SH3KBP1: variants seen among roughly 807,000 people sequenced by gnomAD.
SH3KBP1 encodes the protein SH3 domain-containing kinase-binding protein 1.
SH3KBP1 carries 8 observed loss-of-function variants against 50.1 expected under a neutral mutation model. That is an observed-to-expected ratio of 0.16 (90% CI 0.09 to 0.29). The LOEUF is 0.29. SH3KBP1 is among the 10% of genes least tolerant of loss of function. The probability of loss-of-function intolerance (pLI) is 1.00; values close to 1 mark genes in which losing one functional copy is unlikely to be tolerated. For missense variants in SH3KBP1, 377 were observed against 535.2 expected (o/e 0.70, Z 2.92); for synonymous variants, 227 against 218.6 (o/e 1.04, Z -0.34).
chrX:19,755,007 C>T (rs987130956), intron 2 of SH3KBP1, among the ~76,000 whole-genome samples: 1 of 112,522 alleles, frequency 8.9e-6, no homozygotes, highest in Non-Finnish European at 1.9e-5. Flanking sequence ...AATGTTTCTA[C>T]AATCTCAGAA....
In SH3KBP1 at chrX:19,534,176, T is replaced by C. The variant is rs1446768870; in HGVS notation, c.*2241A>G. The stretch of plus-strand genomic sequence containing the variant: ...CAACATTCTCGATGGGTCCATTTTG[T>C]AAAGAGTAAAGATGGTGGCAGTTTG... On this transcript the variant is annotated 3_prime_UTR_variant, in exon 18 of 18. Coordinates refer to ENST00000397821, the MANE Select transcript of SH3KBP1 (RefSeq NM_031892.3). 2.7e-5 allele frequency: 3 copies of C among 110,293 alleles called. No homozygotes were observed. The highest frequency in any genetic ancestry group is 9.9e-5 in the African/African-American group (3 of 30,286). 9.1% of individuals were successfully genotyped at this position (110,293 alleles called of 1,213,427 possible). A position where few individuals can be genotyped will look rare whatever the true frequency, so the allele number is the denominator to read the frequency against.
At chrX:19,591,934 G>A in intron 11 of SH3KBP1, 133 bp downstream of exon 11, 1 of 533,874 alleles carries the variant, frequency 1.9e-6, no homozygotes, top group Non-Finnish European at 3.3e-6. Flanking sequence ...ATTTGTAAAA[G>A]CAATCAAAAC....
intron 13 of SH3KBP1, among the ~76,000 whole-genome samples, chrX:19,562,585 A>G (rs976882122): frequency 8.9e-6 from 1 of 111,788 alleles, no homozygotes; most frequent in East Asian, 2.8e-4. Flanking sequence ...ATACGGCACT[A>G]GAATACGGTC....
intron 2 of SH3KBP1, among the ~76,000 whole-genome samples, chrX:19,793,270 C>T (rs1393788320): frequency 3.8e-5 from 4 of 105,363 alleles, no homozygotes; most frequent in Admixed American, 3.1e-4. Context: ...TGCACTCTGG[C>T]CTAGGTGACA....
At chrX:19,577,995 C>T (rs1215707803) in intron 12 of SH3KBP1, among the ~76,000 whole-genome samples, 3 of 111,370 alleles carry the variant, frequency 2.7e-5, no homozygotes, top group Non-Finnish European at 5.7e-5. Context: ...GAAATAGAAA[C>T]GCCCCATTGC....
At chrX:19,631,404 C>T (rs1377433081) in intron 8 of SH3KBP1, among the ~76,000 whole-genome samples, 4 of 111,991 alleles carry the variant, frequency 3.6e-5, no homozygotes, top group Non-Finnish European at 5.6e-5. Context: ...TTAGCCCAAA[C>T]GAGACAGGAA....
At chrX:19,620,887 T>C (rs967020269) in intron 8 of SH3KBP1, among the ~76,000 whole-genome samples, 7 of 111,280 alleles carry the variant, frequency 6.3e-5, no homozygotes, top group African/African-American at 2.3e-4. Flanking sequence ...TTATGGATTG[T>C]GTTTTTGGTA....
chrX:19,645,776 A>G (rs1037786491), intron 6 of SH3KBP1, among the ~76,000 whole-genome samples: 1 of 112,138 alleles, frequency 8.9e-6, no homozygotes, highest in Non-Finnish European at 1.9e-5. Context: ...AAACAGGCAT[A>G]GTTCCCCTCA....
At chrX:19,574,426 A>G (rs2066134438) in intron 12 of SH3KBP1, among the ~76,000 whole-genome samples, 1 of 112,776 alleles carries the variant, frequency 8.9e-6, no homozygotes, top group African/African-American at 3.2e-5. Context: ...CCTGTGGATA[A>G]GTTATATTCT....
chrX:19,564,595 C>G (rs1437224603), intron 13 of SH3KBP1, among the ~76,000 whole-genome samples: 5 of 109,240 alleles, frequency 4.6e-5, no homozygotes, highest in African/African-American at 1.3e-4. Flanking sequence ...TTCTCTCTCA[C>G]AAAGGTCACA....
At chrX:19,539,508 C>T (rs1364534995) in intron 16 of SH3KBP1, among the ~76,000 whole-genome samples, 1 of 112,289 alleles carries the variant, frequency 8.9e-6, no homozygotes, top group East Asian at 2.8e-4. Flanking sequence ...AATGCTCCAA[C>T]CCCAGGAGAC....
intron 7 of SH3KBP1, among the ~76,000 whole-genome samples, chrX:19,634,276 G>A (rs1444880198): frequency 1.8e-5 from 2 of 110,253 alleles, no homozygotes; most frequent in Admixed American, 9.7e-5. Context: ...TTTGTTGGAC[G>A]TCAGTACAGT....
chrX:19,766,483 C>CT lies in SH3KBP1; in HGVS notation c.163-20043dup, dbSNP rs61439964. Among the ~76,000 whole-genome samples, 37 of 22,589 alleles carry CT rather than the reference C, an allele frequency of 1.6e-3. 16 individuals are homozygous for CT. Among genetic ancestry groups the CT allele is most frequent in the Non-Finnish European group, 1.8e-3 (22 of 12,540 alleles). The allele number at this position is 22,589 out of a possible 115,157, so 19.6% of individuals were successfully genotyped here. On this transcript the variant is annotated intron_variant, in intron 2 of 17. Transcript: ENST00000397821. ...TGCACTTTGAGTCTGTTGATTGCAT[C>CT]TTTTTTTTTTTTTTTTTTTTTTTTT...
intron 2 of SH3KBP1, among the ~76,000 whole-genome samples, chrX:19,792,505 C>G (rs2066562428): frequency 9.0e-6 from 1 of 111,072 alleles, no homozygotes; most frequent in Non-Finnish European, 1.9e-5. Context: ...AGACACAATG[C>G]TCTTCCACGG....
intron 3 of SH3KBP1, among the ~76,000 whole-genome samples, chrX:19,714,819 T>C (rs2063864520): frequency 1.8e-5 from 2 of 112,447 alleles, no homozygotes; most frequent in Non-Finnish European, 3.8e-5. Flanking sequence ...GAAATTTGAA[T>C]ATGAACTAAT....
chrX:19,592,114 A>G lies in SH3KBP1; in HGVS notation c.1091T>C (p.Ile364Thr). ...AAGCATTTCTGGTCTTTCAGGAGGT[A>G]TCTTTTTAATTTCATGTTTTCTCTC... The part of the protein sequence containing the change: ...TTERKHEIKK[I>T]PPERPEMLPN... Residue 364 changes from isoleucine to threonine, a missense_variant, in exon 11 of 18, where the codon ATA becomes ACA. Ile to Thr is a moderately conservative substitution (Grantham distance 89). Transcript: ENST00000397821. 4 of 1,206,151 alleles carry G rather than the reference A, an allele frequency of 3.3e-6. No homozygotes were observed. Among genetic ancestry groups the G allele is most frequent in the Non-Finnish European group, 3.4e-6 (3 of 891,840 alleles).
chrX:19,584,227 AAT>A (rs1374714204), intron 12 of SH3KBP1, among the ~76,000 whole-genome samples: 3 of 91,367 alleles, frequency 3.3e-5, no homozygotes, highest in South Asian at 4.4e-4. Context: ...TATATTTATA[AAT>A]ATATATAAAT....
At chrX:19,789,117 C>T (rs893010528) in intron 2 of SH3KBP1, among the ~76,000 whole-genome samples, 5 of 110,525 alleles carry the variant, frequency 4.5e-5, no homozygotes, top group African/African-American at 1.6e-4. Context: ...CAGCAAGGCT[C>T]CATCTCAAAA....
intron 8 of SH3KBP1, among the ~76,000 whole-genome samples, chrX:19,623,514 C>T (rs927861034): frequency 9.0e-6 from 1 of 111,612 alleles, no homozygotes; most frequent in African/African-American, 3.3e-5. Flanking sequence ...GGTGAAACCC[C>T]GTCTCTACAA....
Sources: allele counts gnomAD v4.1 joint callset (sites outside exome capture counted in the v4.1 genomes callset), GRCh38; gene constraint gnomAD v4.1.1; transcripts MANE v1.5; gene names NCBI Gene and HGNC (gene_info 2026-07-23, HGNC 2026-07-21).